The following SUGCT variants were observed in gnomAD, a reference collection of about 807,000 sequenced individuals.
SUGCT encodes succinyl-CoA:glutarate CoA-transferase.
A neutral mutation model predicts 55.0 loss-of-function variants in SUGCT; 41 were observed. The ratio of observed to expected loss-of-function variants is 0.74; its 90% CI spans 0.58 to 0.97. The LOEUF is 0.97. Among genes scored for constraint, SUGCT ranks in the 50% least tolerant of loss-of-function variants. The pLI, the probability that SUGCT is intolerant of heterozygous loss-of-function variation, is 0.00. For synonymous variants in SUGCT, 187 were observed against 200.4 expected, an observed-to-expected ratio of 0.93 and a Z score of 0.56; for missense variants, 568 against 547.8, an observed-to-expected ratio of 1.04 and a Z score of -0.37.
intron 13 of SUGCT, among the ~76,000 whole-genome samples, chr7:40,764,796 C>G (rs1203737): frequency 0.63 from 96,310 of 151,984 alleles, 30,674 homozygotes; most frequent in Admixed American, 0.74. Flanking sequence ...CTGCTACCTT[C>G]TGTACAAGGT....
chr7:40,730,622 G>A lies in SUGCT; in HGVS notation c.1090-18812G>A, dbSNP rs115522550. 8.9e-3 allele frequency among the ~76,000 whole-genome samples: 1,360 copies of A among 152,102 alleles called. 14 individuals are homozygous for A. Among genetic ancestry groups the A allele is most frequent in the African/African-American group, 0.031 (1,279 of 41,490 alleles). ...TTATTATTAACTATAATCACCACTT[G>A]GTACAATAGATCTCTTGAATTTATT... is the stretch of plus-strand genomic sequence containing the variant. On this transcript the variant is annotated intron_variant, in intron 12 of 13. Coordinates refer to ENST00000335693, the MANE Select transcript of SUGCT (RefSeq NM_001193313.2).
At chr7:40,710,217 C>T (rs530821035) in intron 12 of SUGCT, among the ~76,000 whole-genome samples, 3 of 152,172 alleles carry the variant, frequency 2.0e-5, no homozygotes, top group Non-Finnish European at 2.9e-5. Flanking sequence ...GTTAACTATA[C>T]GGCGGACCAC....
chr7:40,719,351 T>C (rs1478575182), intron 12 of SUGCT, among the ~76,000 whole-genome samples: 1 of 152,236 alleles, frequency 6.6e-6, no homozygotes, highest in East Asian at 1.9e-4. Context: ...AATCTCCTGC[T>C]TTCCTAGCTG....
intron 13 of SUGCT, among the ~76,000 whole-genome samples, chr7:40,809,865 G>A (rs1791312738): frequency 1.3e-5 from 2 of 152,068 alleles, no homozygotes. Flanking sequence ...ATTTATATGT[G>A]AGAACATATG....
At chr7:40,212,202 G>A (rs961411144) in intron 6 of SUGCT, among the ~76,000 whole-genome samples, 1 of 150,946 alleles carries the variant, frequency 6.6e-6, no homozygotes, top group Non-Finnish European at 1.5e-5. Context: ...CTTCCACCTC[G>A]GTCTCCCAAG....
At chr7:40,345,471 A>G (rs149373244) in intron 9 of SUGCT, among the ~76,000 whole-genome samples, 3 of 152,184 alleles carry the variant, frequency 2.0e-5, no homozygotes, top group East Asian at 1.9e-4. Flanking sequence ...ATTTCTTTCA[A>G]TTTTTTGAGT....
chr7:40,227,874 A>ATT (rs1273889186), intron 6 of SUGCT, among the ~76,000 whole-genome samples: 6 of 147,882 alleles, frequency 4.1e-5, no homozygotes, highest in Admixed American at 6.7e-5. Flanking sequence ...TTATTTATTT[A>ATT]TATATTTATT....
At chr7:40,247,177 G>T (rs538334530) in intron 7 of SUGCT, among the ~76,000 whole-genome samples, 1 of 152,232 alleles carries the variant, frequency 6.6e-6, no homozygotes, top group East Asian at 1.9e-4. Flanking sequence ...GTAAGCTGCT[G>T]GTTTTCTGGA....
the SUGCT span, among the ~76,000 whole-genome samples, chr7:41,031,075 C>T: frequency 5.3e-5 from 8 of 152,288 alleles, 1 homozygote; most frequent in East Asian, 1.5e-3. Context: ...GATCTTCCCA[C>T]TTCAGCTTCC....
At chr7:40,558,561 A>G (rs550736263) in intron 12 of SUGCT, among the ~76,000 whole-genome samples, 2 of 152,314 alleles carry the variant, frequency 1.3e-5, no homozygotes, top group East Asian at 3.9e-4. Context: ...GAATGGGCAA[A>G]TTCATGGAGA....
chr7:40,530,987 A>G (rs1376911498), intron 12 of SUGCT, among the ~76,000 whole-genome samples: 2 of 152,174 alleles, frequency 1.3e-5, no homozygotes, highest in African/African-American at 4.8e-5. Flanking sequence ...TAAGGGTAAA[A>G]TTTGTATAAG....
intron 13 of SUGCT, among the ~76,000 whole-genome samples, chr7:40,813,459 G>C (rs966123683): frequency 6.6e-6 from 1 of 152,132 alleles, no homozygotes; most frequent in Non-Finnish European, 1.5e-5. Flanking sequence ...TTATCATTAT[G>C]TAATGCCTGT....
rs138215950 is a variant in SUGCT, at chr7:40,447,500, C to T, written c.817-1787C>T. On this transcript the variant is annotated intron_variant, in intron 9 of 13. Coordinates refer to ENST00000335693, the MANE Select transcript of SUGCT (RefSeq NM_001193313.2). ...TAGTTCAGTGTGATAGTAAGTATCC[C>T]GATGACAGAGGTCACTAGAATGTGG... is the stretch of plus-strand genomic sequence containing the variant. 4.0e-3 allele frequency among the ~76,000 whole-genome samples: 608 copies of T among 151,268 alleles called. 1 individual carries two copies. The highest frequency in any genetic ancestry group is 0.014 in the African/African-American group (574 of 41,216).
chr7:40,684,064 C>G, intron 12 of SUGCT: 1 of 1,612,510 alleles, frequency 6.2e-7, no homozygotes, highest in Non-Finnish European at 8.5e-7. Flanking sequence ...AGAACGCTGT[C>G]TCTGGCTTCC....
chr7:40,472,716 T>G (rs1036055196), intron 11 of SUGCT, among the ~76,000 whole-genome samples: 3 of 152,112 alleles, frequency 2.0e-5, no homozygotes, highest in Admixed American at 2.0e-4. Flanking sequence ...CTATCAGCAG[T>G]TTTATTTGTA....
chr7:40,903,342 C>T, the SUGCT span, among the ~76,000 whole-genome samples: 5 of 152,178 alleles, frequency 3.3e-5, no homozygotes, highest in Middle Eastern at 3.4e-3. Flanking sequence ...CTTACATCAG[C>T]GCCTAGACAG....
At chr7:40,575,058 A>T (rs1263049312) in intron 12 of SUGCT, among the ~76,000 whole-genome samples, 1 of 138,604 alleles carries the variant, frequency 7.2e-6, no homozygotes, top group Non-Finnish European at 1.5e-5. Context: ...CATTAAGCAG[A>T]TTTTTTTCAG....
intron 9 of SUGCT, among the ~76,000 whole-genome samples, chr7:40,370,085 T>C (rs1257120494): frequency 6.6e-6 from 1 of 152,164 alleles, no homozygotes; most frequent in Admixed American, 6.5e-5. Context: ...TATGTAAATA[T>C]CCAAGTTTAC....
At chr7:40,747,065 G>A (rs1787768330) in intron 12 of SUGCT, among the ~76,000 whole-genome samples, 1 of 152,200 alleles carries the variant, frequency 6.6e-6, no homozygotes, top group Admixed American at 6.5e-5. Context: ...GCTGTGCGGG[G>A]CGGGTGCTGA....
Sources: gnomAD v4.1 joint callset for allele counts (sites outside exome capture counted in the v4.1 genomes callset) on GRCh38, gnomAD v4.1.1 for gene constraint, MANE v1.5 for transcripts, NCBI Gene and HGNC (gene_info 2026-07-23, HGNC 2026-07-21) for gene names.